The following OTUD7A variants were observed in gnomAD, a reference collection of about 807,000 sequenced individuals.
The protein encoded by OTUD7A is OTU domain-containing protein 7A.
Under a neutral mutation model 65.7 loss-of-function variants are expected in OTUD7A, and 12 were observed. The ratio of observed to expected loss-of-function variants is 0.18; its 90% CI spans 0.12 to 0.30. OTUD7A has a LOEUF of 0.30. OTUD7A is among the 10% of genes least tolerant of loss of function. The probability of loss-of-function intolerance (pLI) is 1.00; values close to 1 mark genes in which losing one functional copy is unlikely to be tolerated. For synonymous variants in OTUD7A, 641 were observed against 586.3 expected (o/e 1.09, Z -1.35); for missense variants, 1,148 against 1,304.8 (o/e 0.88, Z 1.85).
intron 3 of OTUD7A, among the ~76,000 whole-genome samples, chr15:31,600,387 A>G (rs1215692200): frequency 1.3e-5 from 2 of 152,194 alleles, no homozygotes; most frequent in Non-Finnish European, 2.9e-5. Context: ...GAGAAATAAA[A>G]TCCTTTACAG....
At chr15:31,753,975 C>T (rs764441050) in intron 1 of OTUD7A, among the ~76,000 whole-genome samples, 12 of 151,862 alleles carry the variant, frequency 7.9e-5, no homozygotes, top group Non-Finnish European at 1.5e-4. Flanking sequence ...AGTTTACATT[C>T]CCACCAGCAG....
chr15:31,638,954 G>A (rs1219697354), intron 3 of OTUD7A, among the ~76,000 whole-genome samples: 1 of 152,092 alleles, frequency 6.6e-6, no homozygotes, highest in African/African-American at 2.4e-5. Context: ...CTAACACGGT[G>A]AAACCCCATC....
At chr15:31,658,598 C>T (rs1170826240) in intron 1 of OTUD7A, among the ~76,000 whole-genome samples, 9 of 152,186 alleles carry the variant, frequency 5.9e-5, no homozygotes, top group African/African-American at 2.2e-4. Context: ...CAGACACACA[C>T]ATACAGGTCT....
rs985265486 is a variant in OTUD7A, at chr15:31,617,170, A to T, written c.151+37926T>A. On this transcript the variant is annotated intron_variant, in intron 3 of 12. Transcript: ENST00000307050. The stretch of plus-strand genomic sequence containing the variant: ...TAAAGAGAATCGATGAAGCCAAAAA[A>T]TGGTTCTTTGGAAAGACTTAGAATA... Among the ~76,000 whole-genome samples the T allele has an allele frequency of 3.3e-5, 5 of 152,298 alleles. No homozygotes were observed. The East Asian group carries it at 7.7e-4, about 24-fold the overall frequency.
intron 5 of OTUD7A, among the ~76,000 whole-genome samples, chr15:31,534,533 T>C (rs1887732202): frequency 1.3e-5 from 2 of 152,162 alleles, no homozygotes; most frequent in Admixed American, 1.3e-4. Flanking sequence ...TTCAACATAG[T>C]ATGAGAAGTC....
At chr15:31,840,012 A>G (rs894536901) in intron 1 of OTUD7A, among the ~76,000 whole-genome samples, 2 of 152,100 alleles carry the variant, frequency 1.3e-5, no homozygotes, top group African/African-American at 2.4e-5. Flanking sequence ...GACTCTAACT[A>G]CACAAAATAA....
At chr15:31,680,278 T>G (rs1352397024) in intron 1 of OTUD7A, among the ~76,000 whole-genome samples, 1 of 152,174 alleles carries the variant, frequency 6.6e-6, no homozygotes, top group Non-Finnish European at 1.5e-5. Flanking sequence ...GAATTGTAAC[T>G]GTACAATTCT....
Position 31,729,546 on chromosome 15 carries a change from CA to C in OTUD7A, c.-99-72470del, listed in dbSNP as rs370037575. Among the ~76,000 whole-genome samples, 15 of 152,276 alleles carry C rather than the reference CA, an allele frequency of 9.9e-5. No individual in the cohort carries two copies. The East Asian group carries it at 2.9e-3, about 29-fold the overall frequency. Reference sequence around the variant, plus strand: ...GTTTTCCTTTTAAAGTTAAAACTGGCACTTAGATCTGATATCTAGTTTACCT... The same window carrying C: ...GTTTTCCTTTTAAAGTTAAAACTGGCCTTAGATCTGATATCTAGTTTACCT... On this transcript the variant is annotated intron_variant, in intron 1 of 12. Transcript: ENST00000307050.
intron 1 of OTUD7A, among the ~76,000 whole-genome samples, chr15:31,719,736 T>C (rs916263986): frequency 1.3e-5 from 2 of 152,186 alleles, no homozygotes; most frequent in African/African-American, 4.8e-5. Context: ...TGACATCACA[T>C]CTTACTCAGA....
At chr15:31,712,997 C>T (rs1893485990) in intron 1 of OTUD7A, among the ~76,000 whole-genome samples, 2 of 152,248 alleles carry the variant, frequency 1.3e-5, no homozygotes, top group Admixed American at 1.3e-4. Flanking sequence ...GATGTGTCAT[C>T]TGTTACACTT....
chr15:31,642,351 T>C (rs1392911259), intron 3 of OTUD7A, among the ~76,000 whole-genome samples: 1 of 152,228 alleles, frequency 6.6e-6, no homozygotes, highest in Non-Finnish European at 1.5e-5. Context: ...CTTTTCTTCA[T>C]GAGGAATATT....
At chr15:31,699,393 T>C (rs1893161780) in intron 1 of OTUD7A, among the ~76,000 whole-genome samples, 1 of 152,200 alleles carries the variant, frequency 6.6e-6, no homozygotes, top group South Asian at 2.1e-4. Flanking sequence ...CTGTTGTTTT[T>C]ACCCTTGGGT....
At chr15:31,867,744 C>CA (rs1408277659) in intron 1 of OTUD7A, among the ~76,000 whole-genome samples, 1 of 152,220 alleles carries the variant, frequency 6.6e-6, no homozygotes, top group Non-Finnish European at 1.5e-5. Flanking sequence ...TCCTGAGACT[C>CA]AAAGTGTGCT....
chr15:31,512,641 A>T (rs1451672618), intron 8 of OTUD7A, among the ~76,000 whole-genome samples: 1 of 152,204 alleles, frequency 6.6e-6, no homozygotes, highest in Non-Finnish European at 1.5e-5. Context: ...TTAGTAACTT[A>T]GAATTTTTTA....
chr15:31,652,726 T>C (rs1378188886), intron 3 of OTUD7A, among the ~76,000 whole-genome samples: 2 of 152,210 alleles, frequency 1.3e-5, no homozygotes, highest in African/African-American at 4.8e-5. Context: ...ATGAAAATTT[T>C]CAACGTCATT....
At chr15:31,864,370 A>G (rs1435496461) in intron 1 of OTUD7A, among the ~76,000 whole-genome samples, 1 of 152,208 alleles carries the variant, frequency 6.6e-6, no homozygotes. Context: ...GACATATGCG[A>G]AACTGGGAAC....
intron 8 of OTUD7A, among the ~76,000 whole-genome samples, chr15:31,523,909 G>A (rs2141114599): frequency 6.6e-6 from 1 of 152,324 alleles, no homozygotes; most frequent in Admixed American, 6.5e-5. Context: ...GGCGAGTCCT[G>A]CACAGCTGCA....
At chr15:31,699,975 C>T (rs1383902104) in intron 1 of OTUD7A, among the ~76,000 whole-genome samples, 1 of 151,662 alleles carries the variant, frequency 6.6e-6, no homozygotes, top group African/African-American at 2.4e-5. Context: ...TCATCACTTA[C>T]TGCGTTCTCT....
At chr15:31,535,607 G>T (rs1022551169) in intron 5 of OTUD7A, among the ~76,000 whole-genome samples, 1 of 151,314 alleles carries the variant, frequency 6.6e-6, no homozygotes, top group African/African-American at 2.4e-5. Context: ...AAAACTAGTT[G>T]CTAACACATC....
Sources: allele counts gnomAD v4.1 joint callset (sites outside exome capture counted in the v4.1 genomes callset), GRCh38; gene constraint gnomAD v4.1.1; transcripts MANE v1.5; gene names NCBI Gene and HGNC (gene_info 2026-07-23, HGNC 2026-07-21).